The following WDR1 variants were observed in gnomAD, a reference collection of about 807,000 sequenced individuals.
The protein encoded by WDR1 is WD repeat domain 1.
Under a neutral mutation model 71.9 loss-of-function variants are expected in WDR1, and 21 were observed. The ratio of observed to expected loss-of-function variants is 0.29; its 90% CI spans 0.21 to 0.42. The LOEUF is 0.42. Among genes scored for constraint, WDR1 ranks in the 10% least tolerant of loss-of-function variants. WDR1 has a pLI of 1.00. For synonymous variants in WDR1, 424 were observed against 347.4 expected, an observed-to-expected ratio of 1.22 and a Z score of -2.45; for missense variants, 696 against 824.5, an observed-to-expected ratio of 0.84 and a Z score of 1.91.
intron 2 of WDR1, among the ~76,000 whole-genome samples, chr4:10,115,235 G>A (rs564688626): frequency 1.2e-3 from 176 of 152,340 alleles, no homozygotes; most frequent in African/African-American, 4.1e-3. Context: ...GGCTGAGGAA[G>A]GGAAAAGCAA....
chr4:10,084,401 G>C (rs1765128962), intron 9 of WDR1, 42 bp downstream of exon 9: 1 of 1,579,724 alleles, frequency 6.3e-7, no homozygotes, highest in African/African-American at 1.3e-5. Flanking sequence ...TTCCCCCCTA[G>C]AGCCAGCGGC....
chr4:10,107,584 G>T (rs1026151731), intron 2 of WDR1, among the ~76,000 whole-genome samples: 9 of 152,148 alleles, frequency 5.9e-5, no homozygotes, highest in African/African-American at 2.2e-4. Context: ...CAACCCTTGA[G>T]GATAGAACAG....
At chr4:10,077,624 G>C (rs778058465) in intron 13 of WDR1, 129 bp downstream of exon 13, 22 of 1,454,320 alleles carry the variant, frequency 1.5e-5, no homozygotes, top group Admixed American at 4.8e-5. Context: ...CGAGGCACCT[G>C]CTACTTGTAG....
intron 9 of WDR1, 26 bp from the exon 10 acceptor site, chr4:10,083,204 G>A (rs373883016): frequency 2.1e-5 from 33 of 1,606,872 alleles, no homozygotes; most frequent in South Asian, 3.3e-5. Flanking sequence ...GGAAAAGCCC[G>A]GCTCCCAGGA....
At chr4:10,098,065 C>T (rs1242198532) in intron 4 of WDR1, among the ~76,000 whole-genome samples, 174 bp from the exon 5 acceptor site, 1 of 152,132 alleles carries the variant, frequency 6.6e-6, no homozygotes, top group Admixed American at 6.5e-5. Flanking sequence ...TCTGGCTCCA[C>T]AAGGCATTTG....
chr4:10,083,003 C>T lies in WDR1; in HGVS notation c.1196+19G>A. 6.3e-7 allele frequency: 1 copy of T among 1,597,742 alleles called. No individual in the cohort carries two copies. The highest frequency in any genetic ancestry group is 8.6e-7 in the Non-Finnish European group (1 of 1,168,736). On this transcript the variant is annotated intron_variant, in intron 10 of 14. Transcript: ENST00000499869. The stretch of plus-strand genomic sequence containing the variant: ...AGCTGAGGCTCATCCGGAACCCCCG[C>T]AGACCCGAGTGCTCTCACCTGTAGT...
chr4:10,077,030 G>T, intron 14 of WDR1: 2 of 436,898 alleles, frequency 4.6e-6, no homozygotes, highest in Non-Finnish European at 8.2e-6. Flanking sequence ...TGGGATTTAA[G>T]GGGTGAGTGG....
At position 10,075,386 on chromosome 4, in the gene WDR1, T is replaced by A. The variant is rs764793264; in HGVS notation, c.1813A>T (p.Thr605Ser). Residue 605 changes from threonine (T) to serine (S), a missense_variant, in exon 15 of 15, where the codon ACC becomes TCC. Thr to Ser is a moderately conservative substitution (Grantham distance 58, BLOSUM62 1). Coordinates refer to ENST00000499869, the MANE Select transcript of WDR1 (RefSeq NM_017491.5). ...GGCGGGGGTGGGGCTCCTCAGTAGGTGATTGTCCACTCCTTGACAGAGGCA... is the reference window on the plus strand; with the variant it reads ...GGCGGGGGTGGGGCTCCTCAGTAGGAGATTGTCCACTCCTTGACAGAGGCA... ...HDASVKEWTI[T>S]Y is the part of the protein sequence containing the mutation. The A allele has an allele frequency of 4.3e-6, 7 of 1,612,930 alleles. No homozygotes were observed. Among genetic ancestry groups the A allele is most frequent in the Non-Finnish European group, 5.9e-6 (7 of 1,179,510 alleles).
intron 12 of WDR1, 171 bp downstream of exon 12, chr4:10,078,719 CA>C: frequency 1.8e-6 from 1 of 567,410 alleles, no homozygotes; most frequent in Middle Eastern, 2.7e-4. Context: ...CCCTGGGTGG[CA>C]GGAGATGGCG....
chr4:10,099,222 C>G (rs1712546844), intron 3 of WDR1, 83 bp from the exon 4 acceptor site: 2 of 1,263,674 alleles, frequency 1.6e-6, no homozygotes, highest in African/African-American at 1.5e-5. Context: ...ACTGCCGGGC[C>G]AGGGCCACGT....
intron 12 of WDR1, 33 bp from the exon 13 acceptor site, chr4:10,077,959 C>T: frequency 6.4e-7 from 1 of 1,569,712 alleles, no homozygotes; most frequent in Non-Finnish European, 8.7e-7. Context: ...GTGAGCCACC[C>T]CTGAACACAC....
chr4:10,084,367 CTCTGGCA>C, intron 9 of WDR1, 69 bp downstream of exon 9: 3 of 1,424,794 alleles, frequency 2.1e-6, no homozygotes, highest in Non-Finnish European at 2.9e-6. Context: ...CTGGCCTGGC[CTCTGGCA>C]TCATGGGAAC....
chr4:10,090,677 C>G (rs919634832), intron 5 of WDR1, among the ~76,000 whole-genome samples: 4 of 152,224 alleles, frequency 2.6e-5, no homozygotes, highest in Non-Finnish European at 4.4e-5. Context: ...TGGACACAGG[C>G]CCAGCAGGCC....
intron 8 of WDR1, among the ~76,000 whole-genome samples, chr4:10,087,142 T>C (rs1482751468): frequency 1.3e-5 from 2 of 152,224 alleles, no homozygotes; most frequent in Non-Finnish European, 2.9e-5. Context: ...GACCCATGGA[T>C]GATTCTAACT....
intron 5 of WDR1, chr4:10,092,404 C>G (rs1241585800): frequency 6.6e-6 from 1 of 152,626 alleles, no homozygotes; most frequent in Non-Finnish European, 1.5e-5. Flanking sequence ...ACTCCAGTTC[C>G]AGGTCCCAGA....
At chr4:10,078,054 T>C (rs1346246931) in intron 12 of WDR1, 128 bp from the exon 13 acceptor site, 8 of 1,152,754 alleles carry the variant, frequency 6.9e-6, no homozygotes, top group South Asian at 6.8e-5. Context: ...GCTGGGCCCA[T>C]GCCAGGAGCT....
intron 5 of WDR1, among the ~76,000 whole-genome samples, chr4:10,094,138 T>G (rs1712179762): frequency 6.6e-6 from 1 of 152,184 alleles, no homozygotes; most frequent in Non-Finnish European, 1.5e-5. Context: ...CACAGCTTGT[T>G]AGATCTGGCA....
chr4:10,099,519 T>C (rs992506050), intron 3 of WDR1, among the ~76,000 whole-genome samples: 6 of 152,250 alleles, frequency 3.9e-5, no homozygotes, highest in Non-Finnish European at 8.8e-5. Flanking sequence ...TCTTTTCTTG[T>C]AGGGGCATCA....
chr4:10,106,505 G>A (rs1392795918), intron 2 of WDR1: 3 of 152,278 alleles, frequency 2.0e-5, no homozygotes, highest in Non-Finnish European at 4.4e-5. Flanking sequence ...ATGGCCTCGT[G>A]GGCTCTCCCA....
Sources: allele counts gnomAD v4.1 joint callset (sites outside exome capture counted in the v4.1 genomes callset), GRCh38; gene constraint gnomAD v4.1.1; transcripts MANE v1.5; gene names NCBI Gene and HGNC (gene_info 2026-07-23, HGNC 2026-07-21).